ARHGEF3: variants seen among roughly 807,000 people sequenced by gnomAD.
The protein encoded by ARHGEF3 is Rho guanine nucleotide exchange factor 3, also known as 59.8 kDA protein.
A neutral mutation model predicts 63.2 loss-of-function variants in ARHGEF3; 28 were observed. The observed-to-expected ratio is 0.44, with a 90% CI of 0.33 to 0.61. The LOEUF is 0.61. Ranked by LOEUF, ARHGEF3 falls within the 20% of genes least tolerant of loss-of-function variation. The pLI is 0.03. For missense variants in ARHGEF3, 533 were observed against 659.3 expected, an observed-to-expected ratio of 0.81 and a Z score of 2.10; for synonymous variants, 266 against 254.2, an observed-to-expected ratio of 1.05 and a Z score of -0.44.
At chr3:56,826,526 C>T (rs552977056) in intron 4 of ARHGEF3, among the ~76,000 whole-genome samples, 6 of 152,190 alleles carry the variant, frequency 3.9e-5, no homozygotes, top group African/African-American at 1.4e-4. Flanking sequence ...AAAAACAAAC[C>T]CATGAGGGCT....
chr3:56,973,731 C>T (rs1701017971), intron 2 of ARHGEF3, among the ~76,000 whole-genome samples: 1 of 152,032 alleles, frequency 6.6e-6, no homozygotes, highest in Non-Finnish European at 1.5e-5. Flanking sequence ...GCAGAGACCC[C>T]TGGTGACTTG....
At chr3:56,965,807 C>T (rs1193239514) in intron 2 of ARHGEF3, among the ~76,000 whole-genome samples, 2 of 151,868 alleles carry the variant, frequency 1.3e-5, no homozygotes, top group Non-Finnish European at 2.9e-5. Context: ...TGCCACCACG[C>T]TTGGCTAATT....
intron 1 of ARHGEF3, among the ~76,000 whole-genome samples, chr3:57,064,283 C>A (rs1356710538): frequency 2.6e-5 from 4 of 152,050 alleles, no homozygotes; most frequent in African/African-American, 4.8e-5. Flanking sequence ...AAACAGAAAA[C>A]CAAAAACCAA....
chr3:57,067,300 A>G (rs1705595803), intron 1 of ARHGEF3, among the ~76,000 whole-genome samples: 1 of 151,392 alleles, frequency 6.6e-6, no homozygotes. Flanking sequence ...AAATACAAAA[A>G]CAAAATTAGC....
intron 4 of ARHGEF3, among the ~76,000 whole-genome samples, chr3:56,876,462 C>G (rs1249079972): frequency 2.0e-5 from 3 of 152,134 alleles, no homozygotes; most frequent in Non-Finnish European, 4.4e-5. Context: ...CAGACCATAG[C>G]TCAGCTCTTC....
chr3:56,985,571 G>A (rs1419672431), intron 2 of ARHGEF3, among the ~76,000 whole-genome samples: 1 of 152,190 alleles, frequency 6.6e-6, no homozygotes, highest in African/African-American at 2.4e-5. Context: ...TTCTCCACAT[G>A]TATTCCACAG....
chr3:56,991,095 C>T (rs937370613), intron 2 of ARHGEF3, among the ~76,000 whole-genome samples: 4 of 152,086 alleles, frequency 2.6e-5, no homozygotes, highest in South Asian at 2.1e-4. Context: ...TGTCTTTTAC[C>T]GCCCCAAGCC....
chr3:56,792,753 C>T (rs553012997), intron 1 of ARHGEF3, among the ~76,000 whole-genome samples: 1 of 152,236 alleles, frequency 6.6e-6, no homozygotes, highest in African/African-American at 2.4e-5. Context: ...TAGAATACTA[C>T]GCCCAAAGAT....
chr3:56,910,799 C>T (rs576853950), intron 3 of ARHGEF3, among the ~76,000 whole-genome samples: 1 of 152,290 alleles, frequency 6.6e-6, no homozygotes, highest in East Asian at 1.9e-4. Context: ...CAATCATAAT[C>T]ATAGTGAGCA....
chr3:57,022,797 G>A (rs958232643), intron 2 of ARHGEF3, among the ~76,000 whole-genome samples: 4 of 151,716 alleles, frequency 2.6e-5, no homozygotes, highest in Non-Finnish European at 5.9e-5. Flanking sequence ...CGCAGTAGCA[G>A]GCTGATCAGG....
chr3:56,946,912 G>C (rs1178009746), intron 3 of ARHGEF3, among the ~76,000 whole-genome samples: 1 of 152,236 alleles, frequency 6.6e-6, no homozygotes, highest in African/African-American at 2.4e-5. Flanking sequence ...AAGCCCATCA[G>C]ACTAACAGCT....
intron 2 of ARHGEF3, among the ~76,000 whole-genome samples, chr3:56,757,701 T>C (rs1320233215): frequency 6.6e-6 from 1 of 151,954 alleles, no homozygotes; most frequent in Non-Finnish European, 1.5e-5. Context: ...GAGTGATTTC[T>C]GTCCTCCTTT....
chr3:56,737,487 G>T, intron 7 of ARHGEF3, 132 bp from the exon 8 acceptor site: 1 of 582,140 alleles, frequency 1.7e-6, no homozygotes, highest in South Asian at 3.4e-5. Flanking sequence ...TGCTACTTTG[G>T]GAAAAGAGAA....
intron 4 of ARHGEF3, among the ~76,000 whole-genome samples, chr3:56,875,270 A>G (rs377032139): frequency 6.6e-6 from 1 of 152,226 alleles, no homozygotes; most frequent in East Asian, 1.9e-4. Flanking sequence ...GCCATGCTGC[A>G]TAAGGAAGGA....
intron 3 of ARHGEF3, among the ~76,000 whole-genome samples, chr3:56,890,186 T>C (rs192213452): frequency 6.6e-6 from 1 of 152,286 alleles, no homozygotes; most frequent in East Asian, 1.9e-4. Flanking sequence ...AATGAGACAG[T>C]TCAAAATGCA....
chr3:56,905,856 G>A (rs539972839), intron 3 of ARHGEF3, among the ~76,000 whole-genome samples: 37 of 152,260 alleles, frequency 2.4e-4, no homozygotes, highest in African/African-American at 8.4e-4. Context: ...AGGTACATGT[G>A]ACTGTTTAAA....
At chr3:56,913,472 T>C (rs901066420) in intron 3 of ARHGEF3, among the ~76,000 whole-genome samples, 1 of 152,164 alleles carries the variant, frequency 6.6e-6, no homozygotes, top group Admixed American at 6.5e-5. Flanking sequence ...TTCACACCTA[T>C]TAGAATGGCT....
chr3:57,043,945 T>G (rs1364624327), intron 1 of ARHGEF3, among the ~76,000 whole-genome samples: 1 of 152,250 alleles, frequency 6.6e-6, no homozygotes, highest in Non-Finnish European at 1.5e-5. Flanking sequence ...TATGGGAGAT[T>G]GCTGGGGCAA....
chr3:56,837,239 A>G (rs1050220450), intron 4 of ARHGEF3, among the ~76,000 whole-genome samples: 6 of 152,122 alleles, frequency 3.9e-5, no homozygotes, highest in African/African-American at 1.4e-4. Context: ...AATAAAAGAG[A>G]CTTTACTTAA....
Sources: allele counts gnomAD v4.1 joint callset (sites outside exome capture counted in the v4.1 genomes callset), GRCh38; gene constraint gnomAD v4.1.1; transcripts MANE v1.5; gene names NCBI Gene and HGNC (gene_info 2026-07-23, HGNC 2026-07-21).